The following MCC variants were observed in gnomAD, a reference collection of about 807,000 sequenced individuals.
The protein encoded by MCC is colorectal mutant cancer protein.
Under a neutral mutation model 116.2 loss-of-function variants are expected in MCC, and 90 were observed. That is an observed-to-expected ratio of 0.77 (90% CI 0.65 to 0.92). MCC has a LOEUF of 0.92. Ranked by LOEUF, MCC falls within the 40% of genes least tolerant of loss-of-function variation. The pLI is 0.00. For missense variants in MCC, 1,516 were observed against 1,312.2 expected (o/e 1.16, Z -2.40); for synonymous variants, 578 against 510.5 (o/e 1.13, Z -1.78).
rs1222461432 is a variant in MCC, at chr5:113,384,959, T to C, written c.415+9A>G. 1 of 1,614,048 alleles carries C rather than the reference T, an allele frequency of 6.2e-7. No individual in the cohort carries two copies. Among genetic ancestry groups the C allele is most frequent in the South Asian group, 1.1e-5 (1 of 91,054 alleles). On this transcript the variant is annotated intron_variant, in intron 2 of 18. Transcript: ENST00000408903. ...GAGTGCCATAAAACTGCCACCTGGT[T>C]ATACCTACCCAAACTGTTGTCACTG...
In MCC at chr5:113,153,496, C is replaced by T. The variant is rs530463293; in HGVS notation, c.628-2074G>A. Among the ~76,000 whole-genome samples the T allele has an allele frequency of 5.3e-5, 8 of 152,334 alleles. No homozygotes were observed. The South Asian group carries it at 1.7e-3, about 32-fold the overall frequency. ...GCTTAGAGTGATAATACCTTCTGGC[C>T]TACCAGCTCTCCAGATTTCCAGGAA... is the stretch of plus-strand genomic sequence containing the variant. On this transcript the variant is annotated intron_variant, in intron 3 of 18. Coordinates refer to ENST00000408903, the MANE Select transcript of MCC (RefSeq NM_001085377.2).
intron 1 of MCC, among the ~76,000 whole-genome samples, chr5:113,402,289 G>T (rs1426192828): frequency 4.6e-5 from 4 of 86,790 alleles, no homozygotes; most frequent in African/African-American, 7.9e-5. Flanking sequence ...GCCAGACTCC[G>T]TCTCAAAAAA....
At chr5:113,392,880 T>C (rs1347768079) in intron 1 of MCC, among the ~76,000 whole-genome samples, 1 of 152,132 alleles carries the variant, frequency 6.6e-6, no homozygotes, top group African/African-American at 2.4e-5. Flanking sequence ...TATATACAAA[T>C]TGATGTGGCA....
chr5:113,309,013 G>C (rs1393140830), intron 3 of MCC, among the ~76,000 whole-genome samples: 2 of 151,984 alleles, frequency 1.3e-5, no homozygotes, highest in Non-Finnish European at 2.9e-5. Flanking sequence ...GAGAAAAGAG[G>C]CCATATTTTT....
intron 1 of MCC, among the ~76,000 whole-genome samples, chr5:113,424,231 C>G (rs547597353): frequency 7.2e-4 from 107 of 148,382 alleles, no homozygotes; most frequent in African/African-American, 2.6e-3. Context: ...TCAGGAACAA[C>G]TGAAGACTAA....
chr5:113,362,788 T>G (rs2150385882), intron 2 of MCC, among the ~76,000 whole-genome samples: 1 of 152,296 alleles, frequency 6.6e-6, no homozygotes, highest in South Asian at 2.1e-4. Context: ...TGGTCCTGGT[T>G]ACTGGCACAG....
Position 113,023,655 on chromosome 5 carries a change from A to G in MCC, c.*3647T>C, listed in dbSNP as rs1750317636. On this transcript the variant is annotated 3_prime_UTR_variant, in exon 19 of 19. Coordinates refer to ENST00000408903, the MANE Select transcript of MCC (RefSeq NM_001085377.2). ...TAGGTAGAGCTGTAAATAGTTTAAT[A>G]GAATGATTGGGACATACTCCCAATT... 6.6e-6 allele frequency: 1 copy of G among 152,230 alleles called. No homozygotes were observed. Among genetic ancestry groups the G allele is most frequent in the Non-Finnish European group, 1.5e-5 (1 of 68,034 alleles). The allele number at this position is 152,230 out of a possible 1,614,324, so 9.4% of individuals were successfully genotyped here. A position where few individuals can be genotyped will look rare whatever the true frequency, so the allele number is the denominator to read the frequency against.
At chr5:113,346,565 A>G (rs1768137385) in intron 2 of MCC, among the ~76,000 whole-genome samples, 2 of 151,958 alleles carry the variant, frequency 1.3e-5, no homozygotes, top group Non-Finnish European at 2.9e-5. Flanking sequence ...ATGCCATTGT[A>G]CTCCAGCCTG....
chr5:113,449,321 A>G (rs890522661), intron 1 of MCC, among the ~76,000 whole-genome samples: 1 of 152,250 alleles, frequency 6.6e-6, no homozygotes, highest in African/African-American at 2.4e-5. Context: ...AATGTTCTGA[A>G]AAAGGTCTTC....
Position 113,024,381 on chromosome 5 carries a change from TCGCAAC to T in MCC, c.*2915_*2920del, listed in dbSNP as rs1264970689. On this transcript the variant is annotated 3_prime_UTR_variant, in exon 19 of 19. Coordinates refer to ENST00000408903, the MANE Select transcript of MCC (RefSeq NM_001085377.2). ...GCTGGTAAGCTCACACTGATGGCAC[TCGCAAC>T]TACGGACAGAAGTCTCTTTTGCTTG... The T allele has an allele frequency of 6.6e-6, 1 of 152,240 alleles. No individual in the cohort carries two copies. The highest frequency in any genetic ancestry group is 1.5e-5 in the Non-Finnish European group (1 of 68,038). 9.4% of individuals were successfully genotyped at this position (152,240 alleles called of 1,614,324 possible). A position where few individuals can be genotyped will look rare whatever the true frequency, so the allele number is the denominator to read the frequency against.
At chr5:113,455,341 T>C (rs543261431) in intron 1 of MCC, among the ~76,000 whole-genome samples, 18 of 152,304 alleles carry the variant, frequency 1.2e-4, no homozygotes, top group African/African-American at 4.1e-4. Context: ...TAGGGCTCCC[T>C]GAAGACAAGA....
intron 3 of MCC, among the ~76,000 whole-genome samples, chr5:113,244,429 A>G (rs1764495435): frequency 6.6e-6 from 1 of 152,256 alleles, no homozygotes; most frequent in African/African-American, 2.4e-5. Flanking sequence ...TACTCTATAT[A>G]ATCTCTAGAG....
chr5:113,360,553 G>C (rs1345407759), intron 2 of MCC, among the ~76,000 whole-genome samples: 4 of 152,064 alleles, frequency 2.6e-5, no homozygotes, highest in Non-Finnish European at 5.9e-5. Flanking sequence ...AGCTGTCTGG[G>C]CCTGGAATTT....
At chr5:113,055,984 C>T (rs1354729186) in intron 14 of MCC, among the ~76,000 whole-genome samples, 1 of 152,210 alleles carries the variant, frequency 6.6e-6, no homozygotes, top group Non-Finnish European at 1.5e-5. Flanking sequence ...CTGCAGACTT[C>T]AGATTTGCCA....
chr5:113,182,349 T>C (rs1311002325), intron 3 of MCC, among the ~76,000 whole-genome samples: 3 of 152,210 alleles, frequency 2.0e-5, no homozygotes, highest in Non-Finnish European at 4.4e-5. Context: ...ACATACCCTT[T>C]TTCCTCAGAC....
rs983730254 is a variant in MCC at position 113,063,896 on chromosome 5, C to G, written c.2213+88G>C. Reference sequence around the variant, plus strand: ...CTGCCTTTTCCCAAGCCACACAGTCCCCAAGAGCTGGGTCACTGCACACCA... The same window carrying G: ...CTGCCTTTTCCCAAGCCACACAGTCGCCAAGAGCTGGGTCACTGCACACCA... On this transcript the variant is annotated intron_variant, in intron 14 of 18. Coordinates refer to ENST00000408903, the MANE Select transcript of MCC (RefSeq NM_001085377.2). 5 of 1,416,950 alleles carry G rather than the reference C, an allele frequency of 3.5e-6. No individual in the cohort carries two copies. In the Admixed American group the frequency reaches 8.7e-5, roughly 25 times the overall value. 87.8% of individuals were successfully genotyped at this position (1,416,950 alleles called of 1,614,324 possible). A position where few individuals can be genotyped will look rare whatever the true frequency, so the allele number is the denominator to read the frequency against.
Position 113,049,174 on chromosome 5 carries a change from C to T in MCC, c.2574G>A (p.Lys858=), listed in dbSNP as rs148131598. 110 of 1,614,102 alleles carry T rather than the reference C, an allele frequency of 6.8e-5. No homozygotes were observed. The African/African-American group carries it at 1.3e-3, about 19-fold the overall frequency. The change falls in exon 16 of 19, where the codon AAG becomes AAA. Residue 858 remains lysine (K), a synonymous_variant. Coordinates refer to ENST00000408903, the MANE Select transcript of MCC (RefSeq NM_001085377.2). ...QAYLVHIEHL[K]SEVEEQKEQR... ...GCTCCTTCTGCTCCTCCACCTCGGA[C>T]TTCAGGTGCTCAATGTGCACCAGGT...
chr5:113,234,283 T>C (rs1265751828), intron 3 of MCC, among the ~76,000 whole-genome samples: 2 of 152,216 alleles, frequency 1.3e-5, no homozygotes, highest in African/African-American at 4.8e-5. Context: ...ACTTTCAATA[T>C]TTAGCATATA....
At chr5:113,308,658 T>C (rs569941947) in intron 3 of MCC, among the ~76,000 whole-genome samples, 1 of 152,036 alleles carries the variant, frequency 6.6e-6, no homozygotes, top group East Asian at 1.9e-4. Context: ...CCTTTGTCTC[T>C]ACAGAAAATC....
Sources: gnomAD v4.1 joint callset for allele counts (sites outside exome capture counted in the v4.1 genomes callset) on GRCh38, gnomAD v4.1.1 for gene constraint, MANE v1.5 for transcripts, NCBI Gene and HGNC (gene_info 2026-07-23, HGNC 2026-07-21) for gene names.